ROBO2: variants seen among roughly 807,000 people sequenced by gnomAD.
ROBO2 encodes the protein roundabout guidance receptor 2, also known as roundabout homolog 2.
Under a neutral mutation model 160.8 loss-of-function variants are expected in ROBO2, and 53 were observed. The observed-to-expected ratio is 0.33, with a 90% CI of 0.26 to 0.41. The LOEUF (loss-of-function observed/expected upper bound fraction) is 0.41, where lower values mean the gene tolerates loss of function less well. ROBO2 is among the 10% of genes least tolerant of loss of function. The pLI is 1.00. For missense variants in ROBO2, 1,577 were observed against 1,722.4 expected (o/e 0.92, Z 1.49); for synonymous variants, 664 against 611.7 (o/e 1.09, Z -1.26).
chr3:77,428,932 A>T (rs531280050), intron 2 of ROBO2, among the ~76,000 whole-genome samples: 1 of 152,310 alleles, frequency 6.6e-6, no homozygotes, highest in South Asian at 2.1e-4. Context: ...GTTTTTAAAA[A>T]GTTTATTGAA....
At chr3:77,320,849 A>C (rs2064610877) in intron 2 of ROBO2, among the ~76,000 whole-genome samples, 1 of 152,154 alleles carries the variant, frequency 6.6e-6, no homozygotes, top group Non-Finnish European at 1.5e-5. Context: ...TAATGTACAT[A>C]TCACACATTT....
chr3:76,215,152 C>A (rs1380303817), intron 2 of ROBO2, among the ~76,000 whole-genome samples: 1 of 152,102 alleles, frequency 6.6e-6, no homozygotes, highest in African/African-American at 2.4e-5. Context: ...CACACCAAAA[C>A]CCCATCTGTA....
chr3:77,105,205 A>G (rs1416404601), intron 2 of ROBO2, among the ~76,000 whole-genome samples: 2 of 152,220 alleles, frequency 1.3e-5, no homozygotes, highest in Non-Finnish European at 2.9e-5. Flanking sequence ...ACAAAGAACT[A>G]TTATCATTCT....
chr3:76,322,551 T>A (rs956799128), intron 2 of ROBO2, among the ~76,000 whole-genome samples: 1 of 152,112 alleles, frequency 6.6e-6, no homozygotes, highest in African/African-American at 2.4e-5. Flanking sequence ...GTTTGAAGAA[T>A]CCTAGGCAAG....
At chr3:76,816,376 C>T (rs974406996) in intron 2 of ROBO2, among the ~76,000 whole-genome samples, 29 of 151,980 alleles carry the variant, frequency 1.9e-4, no homozygotes, top group Non-Finnish European at 3.1e-4. Context: ...ATGCGGTATT[C>T]GATAGGAAGA....
At chr3:76,771,513 A>C (rs1169483481) in intron 2 of ROBO2, among the ~76,000 whole-genome samples, 2 of 151,196 alleles carry the variant, frequency 1.3e-5, no homozygotes, top group African/African-American at 2.4e-5. Flanking sequence ...AATCAGTCAG[A>C]ATCTTAAAAC....
chr3:76,345,713 C>T (rs34760258), intron 2 of ROBO2, among the ~76,000 whole-genome samples: 2 of 151,748 alleles, frequency 1.3e-5, no homozygotes, highest in Admixed American at 6.6e-5. Context: ...TTTCTTGAGC[C>T]TAAGAGACCA....
At chr3:76,836,800 C>A (rs1359166577) in intron 2 of ROBO2, among the ~76,000 whole-genome samples, 2 of 151,558 alleles carry the variant, frequency 1.3e-5, no homozygotes, top group Non-Finnish European at 3.0e-5. Flanking sequence ...GCTTTATAAC[C>A]CAGAATATGT....
intron 2 of ROBO2, among the ~76,000 whole-genome samples, chr3:76,956,327 G>A (rs1178795483): frequency 5.9e-5 from 9 of 152,126 alleles, no homozygotes; most frequent in African/African-American, 1.9e-4. Context: ...GGAGGCCGAG[G>A]CGGGTGGATC....
intron 2 of ROBO2, among the ~76,000 whole-genome samples, chr3:76,873,891 C>A (rs1431445844): frequency 2.0e-5 from 3 of 152,106 alleles, no homozygotes; most frequent in African/African-American, 7.2e-5. Context: ...AAGTTTACCA[C>A]CCAGAAAGAC....
intron 2 of ROBO2, among the ~76,000 whole-genome samples, chr3:76,979,340 G>A (rs1487626736): frequency 1.3e-5 from 2 of 152,034 alleles, no homozygotes; most frequent in Non-Finnish European, 2.9e-5. Context: ...TACCTGTTAA[G>A]TAATTTCTCA....
chr3:77,603,239 C>G (rs1413127397), intron 20 of ROBO2, among the ~76,000 whole-genome samples: 5 of 152,132 alleles, frequency 3.3e-5, no homozygotes, highest in Non-Finnish European at 7.4e-5. Flanking sequence ...AGAAAAATCA[C>G]TGTCCCCTTT....
chr3:76,938,464 G>GT, intron 2 of ROBO2, among the ~76,000 whole-genome samples: 1 of 151,476 alleles, frequency 6.6e-6, no homozygotes, highest in African/African-American at 2.4e-5. Flanking sequence ...TTATTTTAGG[G>GT]TAGAGCCCTA....
At chr3:76,760,495 G>C (rs2061242998) in intron 2 of ROBO2, among the ~76,000 whole-genome samples, 1 of 151,630 alleles carries the variant, frequency 6.6e-6, no homozygotes, top group South Asian at 2.1e-4. Context: ...TCAAGAAAAG[G>C]CTGGTAGAAA....
chr3:76,800,872 A>T (rs1393586471), intron 2 of ROBO2, among the ~76,000 whole-genome samples: 1 of 152,188 alleles, frequency 6.6e-6, no homozygotes, highest in Non-Finnish European at 1.5e-5. Flanking sequence ...ATATTTAAAA[A>T]TATGATCCAG....
intron 2 of ROBO2, among the ~76,000 whole-genome samples, chr3:76,629,041 T>A (rs1047488301): frequency 6.6e-6 from 1 of 152,186 alleles, no homozygotes; most frequent in East Asian, 1.9e-4. Flanking sequence ...GCAATTGCAC[T>A]GACTGTGCCA....
chr3:76,902,655 CT>C (rs768775872), intron 2 of ROBO2, among the ~76,000 whole-genome samples: 26 of 151,132 alleles, frequency 1.7e-4, no homozygotes, highest in Non-Finnish European at 3.2e-4. Context: ...AACATTTTCC[CT>C]GTTGCAAATT....
At chr3:77,163,415 A>C (rs1354843303) in intron 2 of ROBO2, among the ~76,000 whole-genome samples, 9 of 152,198 alleles carry the variant, frequency 5.9e-5, no homozygotes. Flanking sequence ...AGTCCTGCTA[A>C]TCATTCAACT....
chr3:77,136,601 A>G (rs2076296936), intron 2 of ROBO2, among the ~76,000 whole-genome samples: 1 of 147,926 alleles, frequency 6.8e-6, no homozygotes. Context: ...CAGCGTCCCC[A>G]GTAGCTGGGA....
Sources: allele counts gnomAD v4.1 joint callset (sites outside exome capture counted in the v4.1 genomes callset), GRCh38; gene constraint gnomAD v4.1.1; transcripts MANE v1.5; gene names NCBI Gene and HGNC (gene_info 2026-07-23, HGNC 2026-07-21).